CNOT6L: variants seen among roughly 807,000 people sequenced by gnomAD.
The protein encoded by CNOT6L is CCR4-NOT transcription complex subunit 6 like, also known as CCR4-NOT transcription complex subunit 6-like.
Under a neutral mutation model 64.0 loss-of-function variants are expected in CNOT6L, and 7 were observed. The ratio of observed to expected loss-of-function variants is 0.11; its 90% CI spans 0.06 to 0.21. The LOEUF (loss-of-function observed/expected upper bound fraction) is 0.21. Among genes scored for constraint, CNOT6L ranks in the 10% least tolerant of loss-of-function variants. The pLI is 1.00. For missense variants in CNOT6L, 245 were observed against 669.0 expected (o/e 0.37, Z 6.99); for synonymous variants, 193 against 243.4 (o/e 0.79, Z 1.93).
chr4:77,788,522 G>A (rs1412213434), intron 1 of CNOT6L, among the ~76,000 whole-genome samples: 1 of 152,152 alleles, frequency 6.6e-6, no homozygotes, highest in Non-Finnish European at 1.5e-5. Flanking sequence ...GAGCTCAGGA[G>A]TTCAAGACCA....
At chr4:77,808,222 G>A (rs1229195982) in intron 1 of CNOT6L, among the ~76,000 whole-genome samples, 2 of 152,134 alleles carry the variant, frequency 1.3e-5, no homozygotes, top group Non-Finnish European at 2.9e-5. Context: ...AACACTTTGG[G>A]AGGCTGAGGC....
intron 1 of CNOT6L, among the ~76,000 whole-genome samples, chr4:77,777,491 A>T (rs1191363552): frequency 1.3e-5 from 2 of 152,230 alleles, no homozygotes; most frequent in Non-Finnish European, 2.9e-5. Context: ...AAATGGCTCT[A>T]AAGGTAACCT....
chr4:77,789,910 C>T (rs1729922632), intron 1 of CNOT6L, among the ~76,000 whole-genome samples: 1 of 144,548 alleles, frequency 6.9e-6, no homozygotes, highest in Non-Finnish European at 1.5e-5. Flanking sequence ...GTGATTGTGC[C>T]ACTGCAGCCT....
At position 77,766,604 on chromosome 4, in the gene CNOT6L, A is replaced by G. The variant is rs529032641; in HGVS notation, c.400+6477T>C. On this transcript the variant is annotated intron_variant, in intron 4 of 11. Transcript: ENST00000504123. Reference sequence around the variant, plus strand: ...GATTACTGCATGTAAAACTCCAAAAAATTTGCAGACAAGTTTTTAGAAGAA... The same window carrying G: ...GATTACTGCATGTAAAACTCCAAAAGATTTGCAGACAAGTTTTTAGAAGAA... 2.4e-4 allele frequency among the ~76,000 whole-genome samples: 37 copies of G among 152,104 alleles called. 1 individual carries two copies. Among genetic ancestry groups the G allele is most frequent in the African/African-American group, 8.2e-4 (34 of 41,542 alleles).
chr4:77,748,184 T>C (rs1724425422), intron 6 of CNOT6L, 132 bp downstream of exon 6: 1 of 693,400 alleles, frequency 1.4e-6, no homozygotes, highest in Admixed American at 2.6e-5. Context: ...TTTAAAAGTC[T>C]ATCCATCAGT....
intron 5 of CNOT6L, among the ~76,000 whole-genome samples, chr4:77,749,723 C>G (rs1246099176): frequency 6.6e-6 from 1 of 152,138 alleles, no homozygotes; most frequent in Non-Finnish European, 1.5e-5. Context: ...ATTTGTTACC[C>G]AAGTTCACGC....
In CNOT6L at chr4:77,742,303, G is replaced by T; in HGVS notation, c.718-8C>A. Reference sequence around the variant, plus strand: ...TTGCTCTGTTTCCACTTCCTGAGATGAAAGAAAAGTTATCATCTATATGAC... The same window carrying T: ...TTGCTCTGTTTCCACTTCCTGAGATTAAAGAAAAGTTATCATCTATATGAC... On this transcript the variant is annotated splice_region_variant and splice_polypyrimidine_tract_variant and intron_variant, in intron 7 of 11. Coordinates refer to ENST00000504123, the MANE Select transcript of CNOT6L (RefSeq NM_144571.3). The T allele has an allele frequency of 6.2e-7, 1 of 1,606,806 alleles. No individual in the cohort carries two copies. The highest frequency in any genetic ancestry group is 8.5e-7 in the Non-Finnish European group (1 of 1,175,988).
At chr4:77,794,855 A>T (rs1455428963) in intron 1 of CNOT6L, among the ~76,000 whole-genome samples, 2 of 152,070 alleles carry the variant, frequency 1.3e-5, no homozygotes, top group Non-Finnish European at 2.9e-5. Context: ...ACAAACAATA[A>T]ATTATATATA....
At chr4:77,809,762 A>G (rs1578010866) in intron 1 of CNOT6L, among the ~76,000 whole-genome samples, 1 of 152,144 alleles carries the variant, frequency 6.6e-6, no homozygotes, top group African/African-American at 2.4e-5. Flanking sequence ...TATGTTACTC[A>G]TTTAGGAAAT....
At chr4:77,779,157 G>A (rs1298781525) in intron 1 of CNOT6L, among the ~76,000 whole-genome samples, 1 of 151,648 alleles carries the variant, frequency 6.6e-6, no homozygotes, top group Non-Finnish European at 1.5e-5. Flanking sequence ...GTTCCTTAAG[G>A]GGACTATGTT....
chr4:77,730,972 G>GATAT (rs1451341196), intron 9 of CNOT6L, among the ~76,000 whole-genome samples: 6 of 152,044 alleles, frequency 3.9e-5, no homozygotes, highest in Admixed American at 3.3e-4. Flanking sequence ...CAATGACTGA[G>GATAT]ATATAACAAA....
At chr4:77,725,426 G>T (rs574214485) in intron 11 of CNOT6L, among the ~76,000 whole-genome samples, 1 of 152,124 alleles carries the variant, frequency 6.6e-6, no homozygotes, top group African/African-American at 2.4e-5. Context: ...TCAAAGAGAG[G>T]TATAATAGCA....
rs1024289770 is a variant in CNOT6L, at chr4:77,819,312, C to G, written c.-4G>C. 1 of 1,613,692 alleles carries G rather than the reference C, an allele frequency of 6.2e-7. No homozygotes were observed. Among genetic ancestry groups the G allele is most frequent in the South Asian group, 1.1e-5 (1 of 91,068 alleles). ...GCAAAAGAACACTCTACCTCATTCT[C>G]TTCCTCTGGCCCAGAAGCAACAGCA... is the stretch of plus-strand genomic sequence containing the variant. On this transcript the variant is annotated 5_prime_UTR_variant, in exon 1 of 12. Coordinates refer to ENST00000504123, the MANE Select transcript of CNOT6L (RefSeq NM_144571.3).
intron 1 of CNOT6L, among the ~76,000 whole-genome samples, chr4:77,782,334 T>TTTG (rs1023839713): frequency 3.9e-5 from 6 of 152,086 alleles, no homozygotes; most frequent in African/African-American, 1.4e-4. Context: ...CAATATCTTT[T>TTTG]TTGTTGTTGT....
chr4:77,756,252 CA>C (rs1725570601), intron 5 of CNOT6L, among the ~76,000 whole-genome samples: 1 of 152,198 alleles, frequency 6.6e-6, no homozygotes, highest in South Asian at 2.1e-4. Context: ...CTCGGCCACA[CA>C]AAGTGCTAGG....
At chr4:77,750,413 G>A (rs565265147) in intron 5 of CNOT6L, among the ~76,000 whole-genome samples, 12 of 151,996 alleles carry the variant, frequency 7.9e-5, no homozygotes, top group East Asian at 5.8e-4. Flanking sequence ...GTGCAGTGGC[G>A]CCATCTCAGC....
At chr4:77,769,326 A>AT (rs1447826367) in intron 4 of CNOT6L, among the ~76,000 whole-genome samples, 1 of 152,196 alleles carries the variant, frequency 6.6e-6, no homozygotes, top group Admixed American at 6.5e-5. Context: ...TAGGGGATCT[A>AT]TAATGACAAG....
rs756109347 is a variant in CNOT6L at position 77,748,311 on chromosome 4, T to C, written c.559+5A>G. The C allele has an allele frequency of 9.4e-6, 15 of 1,590,110 alleles. No homozygotes were observed. The highest frequency in any genetic ancestry group is 2.2e-5 in the South Asian group (2 of 90,498). ...AAAAAAGGAAGAATAAGAAAAACTA[T>C]TTACCTGACGGCAGAATTTGGTCTC... On this transcript the variant is annotated splice_donor_5th_base_variant and intron_variant, in intron 6 of 11. Transcript: ENST00000504123.
chr4:77,819,186 CAA>C, intron 1 of CNOT6L, 116 bp downstream of exon 1: 1 of 1,602,624 alleles, frequency 6.2e-7, no homozygotes, highest in Non-Finnish European at 8.5e-7. Context: ...CCCCGCCCGC[CAA>C]AGTCCCAACT....
Sources: allele counts gnomAD v4.1 joint callset (sites outside exome capture counted in the v4.1 genomes callset), GRCh38; gene constraint gnomAD v4.1.1; transcripts MANE v1.5; gene names NCBI Gene and HGNC (gene_info 2026-07-23, HGNC 2026-07-21).